Variants in GNPDA2 observed in about 807,000 individuals in gnomAD.
GNPDA2 encodes the protein glcN6P deaminase 2.
In GNPDA2, 24 loss-of-function variants were observed where a neutral mutation model predicts 27.0. The observed-to-expected ratio is 0.89, with a 90% CI of 0.64 to 1.25. GNPDA2 has a LOEUF of 1.25. Ranked by LOEUF, GNPDA2 falls within the 50% of genes most tolerant of loss-of-function variation. GNPDA2 has a pLI of 0.00. For synonymous variants in GNPDA2, 94 were observed against 108.4 expected, an observed-to-expected ratio of 0.87 and a Z score of 0.83; for missense variants, 286 against 335.1, an observed-to-expected ratio of 0.85 and a Z score of 1.14.
chr4:44,711,093 T>C lies in GNPDA2; in HGVS notation c.454A>G (p.Ser152Gly). Residue 152 changes from serine to glycine, a missense_variant, in exon 5 of 7, where the codon AGT becomes GGT. Ser to Gly is a moderately conservative substitution (Grantham distance 56). Coordinates refer to ENST00000295448, the MANE Select transcript of GNPDA2 (RefSeq NM_138335.3). ...GHIAFNEPGS[S>G]LVSRTRLKTL... ...TTTAATCTTGTCCTTGACACTAAAC[T>C]GGATCCAGGCTCATTGAAAGCGATA... 1 of 1,611,440 alleles carries C rather than the reference T, an allele frequency of 6.2e-7. No individual in the cohort carries two copies. Among genetic ancestry groups the C allele is most frequent in the Non-Finnish European group, 8.5e-7 (1 of 1,179,020 alleles).
intron 4 of GNPDA2, chr4:44,714,772 A>C (rs1717177334): frequency 2.1e-6 from 1 of 484,396 alleles, no homozygotes. Context: ...CATATCCAAT[A>C]ATAGGGCATC....
intron 5 of GNPDA2, among the ~76,000 whole-genome samples, chr4:44,710,463 C>G (rs951551016): frequency 1.1e-4 from 17 of 152,130 alleles, no homozygotes; most frequent in Non-Finnish European, 2.5e-4. Flanking sequence ...CTCTTCCATG[C>G]TTAAATATGC....
chr4:44,711,722 A>G (rs1319752926), intron 4 of GNPDA2, among the ~76,000 whole-genome samples: 2 of 151,604 alleles, frequency 1.3e-5, no homozygotes, highest in Non-Finnish European at 2.9e-5. Flanking sequence ...TGTGGATTGG[A>G]TAAGATAATG....
chr4:44,705,359 A>C lies in GNPDA2; in HGVS notation c.770-2217T>G, dbSNP rs1233988982. On this transcript the variant is annotated intron_variant, in intron 6 of 6. Coordinates refer to ENST00000295448, the MANE Select transcript of GNPDA2 (RefSeq NM_138335.3). ...GGCCCATATGTAGCCCAGAATGTCT[A>C]AATTCTGTCTTCATATTGAAGGAGG... 8.1e-6 allele frequency: 8 copies of C among 985,018 alleles called. No individual in the cohort carries two copies. The African/African-American group carries it at 1.4e-4, about 17-fold the overall frequency. 61.0% of individuals were successfully genotyped at this position (985,018 alleles called of 1,614,324 possible).
chr4:44,712,788 C>G lies in GNPDA2; in HGVS notation c.410-1651G>C, dbSNP rs1577587765. Among the ~76,000 whole-genome samples, 4 of 152,256 alleles carry G rather than the reference C, an allele frequency of 2.6e-5. No individual in the cohort carries two copies. The East Asian group carries it at 7.7e-4, about 29-fold the overall frequency. On this transcript the variant is annotated intron_variant, in intron 4 of 6. Coordinates refer to ENST00000295448, the MANE Select transcript of GNPDA2 (RefSeq NM_138335.3). ...TTATGAGCAAAGGTTAATAACAGAGCTGGGTCAAGGTATTTGCTTGTTGGC... is the reference window on the plus strand; with the variant it reads ...TTATGAGCAAAGGTTAATAACAGAGGTGGGTCAAGGTATTTGCTTGTTGGC...
At position 44,722,003 on chromosome 4, in the gene GNPDA2, A is replaced by G. The variant is rs923075251; in HGVS notation, c.124+81T>C. ...ATGCCAATAAATGAATGGGGAAAGTATCTTAAAAGAAACCCTTCAATTCCA... is the reference window on the plus strand; with the variant it reads ...ATGCCAATAAATGAATGGGGAAAGTGTCTTAAAAGAAACCCTTCAATTCCA... On this transcript the variant is annotated intron_variant, in intron 2 of 6. Coordinates refer to ENST00000295448, the MANE Select transcript of GNPDA2 (RefSeq NM_138335.3). 10 of 1,074,738 alleles carry G rather than the reference A, an allele frequency of 9.3e-6. No homozygotes were observed. The Admixed American group carries it at 2.1e-4, about 22-fold the overall frequency. The allele number at this position is 1,074,738 out of a possible 1,614,324, so 66.6% of individuals were successfully genotyped here.
intron 6 of GNPDA2, chr4:44,705,987 A>G (rs1716580226): frequency 2.0e-5 from 3 of 151,984 alleles, no homozygotes; most frequent in African/African-American, 7.2e-5. Flanking sequence ...AAAATCTGAT[A>G]AAAACCTAAT....
intron 4 of GNPDA2, among the ~76,000 whole-genome samples, chr4:44,715,412 C>T (rs1166449699): frequency 6.6e-6 from 1 of 152,080 alleles, no homozygotes; most frequent in East Asian, 1.9e-4. Flanking sequence ...TATTTTCAAG[C>T]AGCCACTTTT....
intron 1 of GNPDA2, among the ~76,000 whole-genome samples, chr4:44,724,406 T>C (rs932313120): frequency 1.3e-5 from 2 of 152,214 alleles, no homozygotes; most frequent in Admixed American, 6.5e-5. Flanking sequence ...AGTAGTGAGA[T>C]TGCCTGATCA....
At chr4:44,710,891 T>A (rs3749582) in intron 5 of GNPDA2, 62 bp downstream of exon 5, 1 of 1,283,854 alleles carries the variant, frequency 7.8e-7, no homozygotes, top group Non-Finnish European at 1.1e-6. Flanking sequence ...GCATCATAAC[T>A]CCTCCAAAAT....
rs1335435684 is a variant in GNPDA2 at position 44,702,036 on chromosome 4, C to G, written c.*1045G>C. 2 of 985,424 alleles carry G rather than the reference C, an allele frequency of 2.0e-6. No homozygotes were observed. The highest frequency in any genetic ancestry group is 1.2e-6 in the Non-Finnish European group (1 of 829,862). The allele number at this position is 985,424 out of a possible 1,614,324, so 61.0% of individuals were successfully genotyped here. On this transcript the variant is annotated 3_prime_UTR_variant, in exon 7 of 7. Transcript: ENST00000295448. The stretch of plus-strand genomic sequence containing the variant: ...CACAGAGGCAAAGACATCTTTTAAC[C>G]TAACTCTCCTAATGCATGATGGTAA...
chr4:44,704,112 A>G (rs1716441914), intron 6 of GNPDA2: 1 of 984,854 alleles, frequency 1.0e-6, no homozygotes, highest in Admixed American at 6.2e-5. Flanking sequence ...ACCCACTTTT[A>G]AGGGACAAGC....
chr4:44,704,830 C>T (rs1230165973), intron 6 of GNPDA2: 1 of 983,474 alleles, frequency 1.0e-6, no homozygotes, highest in Admixed American at 6.2e-5. Context: ...TGTCAAACTA[C>T]TGAGGTGGAG....
chr4:44,717,033 T>A, intron 4 of GNPDA2, 80 bp downstream of exon 4: 2 of 995,076 alleles, frequency 2.0e-6, no homozygotes, highest in Non-Finnish European at 3.0e-6. Flanking sequence ...CATTACACAA[T>A]GGGAAGATTT....
At chr4:44,704,530 G>A in intron 6 of GNPDA2, 2 of 701,656 alleles carry the variant, frequency 2.9e-6, no homozygotes, top group Non-Finnish European at 3.5e-6. Flanking sequence ...ACATCAAATA[G>A]GACTGCTTCC....
At chr4:44,725,753 A>C (rs1225969677) in intron 1 of GNPDA2, among the ~76,000 whole-genome samples, 2 of 101,810 alleles carry the variant, frequency 2.0e-5, no homozygotes, top group Non-Finnish European at 4.7e-5. Flanking sequence ...CGCCTTATGC[A>C]ATTCTCTGGC....
At chr4:44,720,902 T>G (rs1484436193) in intron 2 of GNPDA2, among the ~76,000 whole-genome samples, 1 of 152,138 alleles carries the variant, frequency 6.6e-6, no homozygotes, top group Non-Finnish European at 1.5e-5. Flanking sequence ...TTACTGTTTT[T>G]TTCTGCATCA....
intron 1 of GNPDA2, among the ~76,000 whole-genome samples, chr4:44,725,830 T>C (rs1717978062): frequency 6.6e-6 from 1 of 152,218 alleles, no homozygotes; most frequent in East Asian, 1.9e-4. Context: ...AGGTGCTGAT[T>C]CATTTTGGAT....
At chr4:44,704,693 T>G (rs990696531) in intron 6 of GNPDA2, 1 of 966,776 alleles carries the variant, frequency 1.0e-6, no homozygotes, top group African/African-American at 1.8e-5. Context: ...GAAATAATTC[T>G]TCTGATAAAA....
Sources: allele counts gnomAD v4.1 joint callset (sites outside exome capture counted in the v4.1 genomes callset), GRCh38; gene constraint gnomAD v4.1.1; transcripts MANE v1.5; gene names NCBI Gene and HGNC (gene_info 2026-07-23, HGNC 2026-07-21).